WIPF1: variants seen among roughly 807,000 people sequenced by gnomAD.
WIPF1 encodes the protein WAS/WASL interacting protein family member 1, also known as WAS/WASL-interacting protein family member 1.
WIPF1 carries 13 observed loss-of-function variants against 35.4 expected under a neutral mutation model. The observed-to-expected ratio is 0.37, with a 90% CI of 0.24 to 0.58. The LOEUF is 0.58. Among genes scored for constraint, WIPF1 ranks in the 20% least tolerant of loss-of-function variants. The probability of loss-of-function intolerance (pLI) is 0.74; values close to 1 mark genes in which losing one functional copy is unlikely to be tolerated. For missense variants in WIPF1, 591 were observed against 667.0 expected (o/e 0.89, Z 1.25); for synonymous variants, 267 against 266.3 (o/e 1.00, Z -0.02).
At chr2:174,600,290 A>G (rs983925970), upstream of WIPF1, among the ~76,000 whole-genome samples, 2 of 152,166 alleles carry the variant, frequency 1.3e-5, no homozygotes, top group African/African-American at 4.8e-5. Flanking sequence ...CCTACAGTCA[A>G]CTTTGGACAC....
chr2:174,663,394 T>C (rs1687819090), intron 1 of WIPF1, among the ~76,000 whole-genome samples: 1 of 152,144 alleles, frequency 6.6e-6, no homozygotes, highest in Non-Finnish European at 1.5e-5. Flanking sequence ...CCATTAATAG[T>C]CTTCATTTTA....
Position 174,571,373 on chromosome 2 carries a change from C to T in WIPF1, c.1129+303G>A. On this transcript the variant is annotated intron_variant, in intron 5 of 7. Coordinates refer to ENST00000679041, the MANE Select transcript of WIPF1 (RefSeq NM_001375834.1). This position sits in a 1 kb window ranked among gnomAD's most constrained non-coding sequence, Gnocchi z 4.6. ...CTAGGGAGGCAGGGTAGTGGACTGG[C>T]AAGTACACTTCAGAGATGGAAGATG... is the stretch of plus-strand genomic sequence containing the variant. 1.7e-6 allele frequency: 1 copy of T among 594,906 alleles called. No individual in the cohort carries two copies. Among genetic ancestry groups the T allele is most frequent in the South Asian group, 2.0e-5 (1 of 49,804 alleles). The allele number at this position is 594,906 out of a possible 1,614,324, so 36.9% of individuals were successfully genotyped here.
At chr2:174,621,281 G>A (rs145489774) in intron 1 of WIPF1, among the ~76,000 whole-genome samples, 1 of 152,258 alleles carries the variant, frequency 6.6e-6, no homozygotes, top group South Asian at 2.1e-4. Flanking sequence ...AGATGTGTGG[G>A]TGTCATTAAT....
chr2:174,597,197 C>T (rs1685847280), intron 1 of WIPF1, among the ~76,000 whole-genome samples: 1 of 152,176 alleles, frequency 6.6e-6, no homozygotes, highest in Admixed American at 6.5e-5. Context: ...TTGAAGCTTC[C>T]AATGGCTCCT....
At chr2:174,677,242 T>C (rs1358524116) in intron 1 of WIPF1, 1 of 152,202 alleles carries the variant, frequency 6.6e-6, no homozygotes. Context: ...AGAAACAAGA[T>C]ACTCTTCTGC....
At chr2:174,652,791 T>TAA (rs78645163) in intron 1 of WIPF1, among the ~76,000 whole-genome samples, 27 of 135,956 alleles carry the variant, frequency 2.0e-4, no homozygotes, top group African/African-American at 5.6e-4. Flanking sequence ...AAATTCCATT[T>TAA]AAAAAAAAAA....
At chr2:174,658,754 C>T (rs1261688991) in intron 1 of WIPF1, among the ~76,000 whole-genome samples, 1 of 148,502 alleles carries the variant, frequency 6.7e-6, no homozygotes, top group Non-Finnish European at 1.5e-5. Flanking sequence ...CTGGTGGAGC[C>T]CCCCACAGAA....
chr2:174,677,468 G>C (rs1219559126), intron 1 of WIPF1, among the ~76,000 whole-genome samples: 4 of 152,206 alleles, frequency 2.6e-5, no homozygotes, highest in Admixed American at 2.0e-4. Context: ...ATACAGGATA[G>C]GGTGAATTTC....
chr2:174,637,701 G>C (rs1473187858), intron 1 of WIPF1, among the ~76,000 whole-genome samples: 1 of 152,174 alleles, frequency 6.6e-6, no homozygotes, highest in Admixed American at 6.5e-5. Context: ...GCAGGAGAAC[G>C]GTGTGAACCC....
chr2:174,599,546 A>G (rs1426696750), upstream of WIPF1, among the ~76,000 whole-genome samples: 23 of 152,058 alleles, frequency 1.5e-4, no homozygotes, highest in Non-Finnish European at 8.8e-5. Context: ...TCACAAATAA[A>G]TACCTGCAGG....
At chr2:174,670,890 G>T (rs935015509) in intron 1 of WIPF1, among the ~76,000 whole-genome samples, 4 of 152,178 alleles carry the variant, frequency 2.6e-5, no homozygotes, top group Non-Finnish European at 5.9e-5. Context: ...TTTTGTCTGA[G>T]ACTGTACAAA....
Position 174,682,226 on chromosome 2 carries a change from G to C in WIPF1, c.-39+548C>G, listed in dbSNP as rs553320542. On this transcript the variant is annotated intron_variant, in intron 1 of 8. Coordinates refer to the WIPF1 transcript ENST00000272746. ...TAACGCGCGCGTCTACGCCGACCTG[G>C]GGCGAGCGGGCCGCCCGGGAGGGCC... is the stretch of plus-strand genomic sequence containing the variant. Among the ~76,000 whole-genome samples the C allele has an allele frequency of 2.0e-4, 30 of 152,320 alleles. No individual in the cohort carries two copies. In the South Asian group the frequency reaches 6.0e-3, roughly 30 times the overall value.
At chr2:174,625,568 A>G (rs1377568523) in intron 1 of WIPF1, 2 of 152,146 alleles carry the variant, frequency 1.3e-5, no homozygotes, top group African/African-American at 4.8e-5. Flanking sequence ...GGCTCATGGG[A>G]GTGCCTGCCT....
chr2:174,602,480 T>C (rs1369938294), upstream of WIPF1, among the ~76,000 whole-genome samples: 1 of 152,228 alleles, frequency 6.6e-6, no homozygotes, highest in African/African-American at 2.4e-5. Flanking sequence ...CATCCCGCAG[T>C]TCTAAAACTT....
intron 1 of WIPF1, among the ~76,000 whole-genome samples, chr2:174,639,692 C>T (rs1434470331): frequency 1.3e-5 from 2 of 152,124 alleles, no homozygotes; most frequent in African/African-American, 2.4e-5. Context: ...GTTTTCTTTG[C>T]TGTGCAAAAG....
intron 1 of WIPF1, among the ~76,000 whole-genome samples, chr2:174,677,638 G>A (rs898972049): frequency 4.6e-5 from 7 of 152,188 alleles, no homozygotes; most frequent in Non-Finnish European, 1.0e-4. Context: ...GTAGGTAATT[G>A]TGTCTCCTGT....
At chr2:174,596,763 T>C (rs1685835076) in intron 1 of WIPF1, among the ~76,000 whole-genome samples, 1 of 152,152 alleles carries the variant, frequency 6.6e-6, no homozygotes, top group Non-Finnish European at 1.5e-5. Context: ...AACTTGTACT[T>C]AGTGACTAAA....
chr2:174,654,434 G>A (rs1559173763), intron 1 of WIPF1, among the ~76,000 whole-genome samples: 1 of 152,022 alleles, frequency 6.6e-6, no homozygotes, highest in Non-Finnish European at 1.5e-5. Flanking sequence ...AAGCTTGTCT[G>A]AAGGCCCCCT....
chr2:174,595,109 A>AAAAAAAAAAAAAAAAAAT (rs1553529785), intron 1 of WIPF1, among the ~76,000 whole-genome samples: 1 of 57,738 alleles, frequency 1.7e-5, no homozygotes, highest in African/African-American at 9.0e-5. Flanking sequence ...AAAAAAAAAA[A>AAAAAAAAAAAAAAAAAAT]ATATATATAT....
Sources: allele counts gnomAD v4.1 joint callset (sites outside exome capture counted in the v4.1 genomes callset), GRCh38; gene constraint gnomAD v4.1.1; non-coding constraint Gnocchi (gnomAD v3.1); transcripts MANE v1.5; gene names NCBI Gene and HGNC (gene_info 2026-07-23, HGNC 2026-07-21).